APOBEC3C: variants seen among roughly 807,000 people sequenced by gnomAD.
The protein encoded by APOBEC3C is apolipoprotein B mRNA editing enzyme catalytic subunit 3C, also known as DNA dC->dU-editing enzyme APOBEC-3C.
A neutral mutation model predicts 20.6 loss-of-function variants in APOBEC3C; 14 were observed. The observed-to-expected ratio is 0.68, with a 90% confidence interval of 0.45 to 1.06. APOBEC3C has a LOEUF of 1.06. APOBEC3C is among the 50% of genes least tolerant of loss of function. The pLI is 0.00. For missense variants in APOBEC3C, 244 were observed against 241.9 expected (o/e 1.01, Z -0.06); for synonymous variants, 98 against 88.8 (o/e 1.10, Z -0.58).
At position 39,020,029 on chromosome 22, in the gene APOBEC3C, C is replaced by T. The variant is rs998678254; in HGVS notation, c.*1642C>T. Reference sequence around the variant, plus strand: ...CAGACTGGTCTCGAACTCCTGACCTCAGGTGATCCGCCTGTCTCAGCCTCT... The same window carrying T: ...CAGACTGGTCTCGAACTCCTGACCTTAGGTGATCCGCCTGTCTCAGCCTCT... On this transcript the variant is annotated 3_prime_UTR_variant, in exon 4 of 4. Transcript: ENST00000361441. 6.6e-6 allele frequency: 1 copy of T among 152,122 alleles called. No individual in the cohort carries two copies. Among genetic ancestry groups the T allele is most frequent in the Non-Finnish European group, 1.5e-5 (1 of 68,046 alleles). 9.4% of individuals were successfully genotyped at this position (152,122 alleles called of 1,614,324 possible). A position where few individuals can be genotyped will look rare whatever the true frequency, so the allele number is the denominator to read the frequency against.
chr22:39,017,652 A>C, intron 2 of APOBEC3C, 114 bp from the exon 3 acceptor site: 1 of 1,344,174 alleles, frequency 7.4e-7, no homozygotes, highest in Non-Finnish European at 1.0e-6. Context: ...AAAAATGAGT[A>C]AATAAGGAAA....
At chr22:39,017,624 A>T (rs1924834279) in intron 2 of APOBEC3C, 142 bp from the exon 3 acceptor site, 2 of 1,124,140 alleles carry the variant, frequency 1.8e-6, no homozygotes, top group Non-Finnish European at 2.6e-6. Context: ...CCTGTGCACC[A>T]GAGAGAGACC....
chr22:39,014,466 C>A (rs1421325488), intron 1 of APOBEC3C, 87 bp downstream of exon 1: 3 of 1,549,978 alleles, frequency 1.9e-6, no homozygotes, highest in South Asian at 1.1e-5. Context: ...CCTCCCCCTG[C>A]CCCAGCCCCA....
At chr22:39,014,457 C>A (rs1373998256) in intron 1 of APOBEC3C, 78 bp downstream of exon 1, 1 of 1,587,112 alleles carries the variant, frequency 6.3e-7, no homozygotes, top group Non-Finnish European at 8.6e-7. Flanking sequence ...CAGCCCTGGC[C>A]TCCCCCTGCC....
In APOBEC3C at chr22:39,017,917, C is replaced by A; in HGVS notation, c.326C>A (p.Ala109Asp). The A allele has an allele frequency of 6.2e-7, 1 of 1,614,188 alleles. No homozygotes were observed. The highest frequency in any genetic ancestry group is 8.5e-7 in the Non-Finnish European group (1 of 1,180,036). ...GCAGGGGAGGTGGCCGAGTTCCTGG[C>A]CAGGCACAGCAACGTGAATCTCACC... is the stretch of plus-strand genomic sequence containing the variant. ...DCAGEVAEFL[A>D]RHSNVNLTIF... is the part of the protein sequence containing the mutation. Residue 109 changes from alanine to aspartate, a missense_variant, in exon 3 of 4, where the codon GCC becomes GAC. Ala to Asp is a moderately radical substitution (Grantham distance 126). Coordinates refer to ENST00000361441, the MANE Select transcript of APOBEC3C (RefSeq NM_014508.3).
rs1425721562 is a variant in APOBEC3C, at chr22:39,019,496, C to T, written c.*1109C>T. On this transcript the variant is annotated 3_prime_UTR_variant, in exon 4 of 4. Coordinates refer to ENST00000361441, the MANE Select transcript of APOBEC3C (RefSeq NM_014508.3). ...TATGAAATTTAGAGGCTCTTCTAAA[C>T]ACTTTAAATTTGATTTGACATTTTC... 6.6e-6 allele frequency: 1 copy of T among 152,178 alleles called. No individual in the cohort carries two copies. The highest frequency in any genetic ancestry group is 1.5e-5 in the Non-Finnish European group (1 of 68,044). The allele number at this position is 152,178 out of a possible 1,614,324, so 9.4% of individuals were successfully genotyped here. A position where few individuals can be genotyped will look rare whatever the true frequency, so the allele number is the denominator to read the frequency against.
In APOBEC3C at chr22:39,017,855, C is replaced by A. The variant is rs755884617; in HGVS notation, c.264C>A (p.Val88=). 1 of 1,614,170 alleles carries A rather than the reference C, an allele frequency of 6.2e-7. No individual in the cohort carries two copies. The highest frequency in any genetic ancestry group is 8.5e-7 in the Non-Finnish European group (1 of 1,180,002). The stretch of plus-strand genomic sequence containing the variant: ...TGTCTCCTAACACAAAGTACCAGGT[C>A]ACCTGGTACACATCTTGGAGCCCTT... ...DILSPNTKYQ[V]TWYTSWSPCP... Residue 88 remains valine (V), a synonymous_variant, in exon 3 of 4, where the codon GTC becomes GTA. Transcript: ENST00000361441.
At chr22:39,018,095 G>A in intron 3 of APOBEC3C, 50 bp downstream of exon 3, 3 of 1,600,870 alleles carry the variant, frequency 1.9e-6, no homozygotes, top group Non-Finnish European at 2.6e-6. Flanking sequence ...ACAGCATGAG[G>A]GGCAGATGGT....
chr22:39,017,731 T>C (rs1170256691), intron 2 of APOBEC3C, 35 bp from the exon 3 acceptor site: 53 of 1,598,218 alleles, frequency 3.3e-5, no homozygotes, highest in Non-Finnish European at 4.4e-5. Flanking sequence ...GCTCCTGGTC[T>C]GAGCTCCCCT....
intron 3 of APOBEC3C, 46 bp from the exon 4 acceptor site, chr22:39,018,223 G>T (rs759785199): frequency 1.3e-6 from 2 of 1,597,594 alleles, no homozygotes; most frequent in Non-Finnish European, 1.7e-6. Flanking sequence ...AGGGCCAGGA[G>T]AGAGGCCTGC....
intron 1 of APOBEC3C, among the ~76,000 whole-genome samples, chr22:39,014,818 G>A (rs1411362252): frequency 6.6e-6 from 1 of 152,118 alleles, no homozygotes; most frequent in Non-Finnish European, 1.5e-5. Context: ...CTTAGGAGAG[G>A]GTGTGGGGGA....
chr22:39,015,887 T>G (rs1394630913), intron 2 of APOBEC3C, 136 bp downstream of exon 2: 1 of 926,048 alleles, frequency 1.1e-6, no homozygotes, highest in Non-Finnish European at 1.6e-6. Flanking sequence ...TTTTTTTTTT[T>G]TTTTTTGAGA....
Position 39,018,541 on chromosome 22 carries a change from C to T in APOBEC3C, c.*154C>T. 3.5e-6 allele frequency: 3 copies of T among 846,378 alleles called. No homozygotes were observed. The highest frequency in any genetic ancestry group is 5.5e-6 in the Non-Finnish European group (3 of 547,482). The allele number at this position is 846,378 out of a possible 1,614,324, so 52.4% of individuals were successfully genotyped here. On this transcript the variant is annotated 3_prime_UTR_variant, in exon 4 of 4. Transcript: ENST00000361441. ...TCCACAGTGCTCCCCTGCCTCACCG[C>T]TTCCTCCTCGCTCTTCCAGACTCTT...
intron 2 of APOBEC3C, among the ~76,000 whole-genome samples, chr22:39,016,958 G>A (rs1924805435): frequency 6.6e-6 from 1 of 152,250 alleles, no homozygotes; most frequent in Admixed American, 6.5e-5. Flanking sequence ...GCCGGGCACG[G>A]CGCGGTGGCT....
At position 39,018,055 on chromosome 22, in the gene APOBEC3C, G is replaced by C. The variant is rs747240259; in HGVS notation, c.454+10G>C. On this transcript the variant is annotated intron_variant, in intron 3 of 3. Coordinates refer to ENST00000361441, the MANE Select transcript of APOBEC3C (RefSeq NM_014508.3). ...ATCATGGACTATGAAGGTGAGACGT[G>C]GGGGGCTGAGGAGAGTGGGTGCAGG... is the stretch of plus-strand genomic sequence containing the variant. 3 of 1,612,990 alleles carry C rather than the reference G, an allele frequency of 1.9e-6. No individual in the cohort carries two copies. Among genetic ancestry groups the C allele is most frequent in the South Asian group, 1.1e-5 (1 of 91,052 alleles).
chr22:39,014,406 GCCCCTCCTGC>G, intron 1 of APOBEC3C, 27 bp downstream of exon 1: 1 of 1,613,160 alleles, frequency 6.2e-7, no homozygotes. Flanking sequence ...TGTCCGCCAG[GCCCCTCCTGC>G]CACTTCCTGC....
At chr22:39,016,381 CT>C (rs575173801) in intron 2 of APOBEC3C, among the ~76,000 whole-genome samples, 93 of 122,868 alleles carry the variant, frequency 7.6e-4, no homozygotes, top group South Asian at 1.8e-3. Flanking sequence ...TTCTTTTTTT[CT>C]TTTTTTTTTT....
At chr22:39,017,702 C>T in intron 2 of APOBEC3C, 64 bp from the exon 3 acceptor site, 13 of 1,570,004 alleles carry the variant, frequency 8.3e-6, no homozygotes, top group Non-Finnish European at 1.1e-5. Context: ...TCCCATCGCC[C>T]CACCCCTGCA....
chr22:39,016,214 T>TTTATTTATTTATTTATTTA (rs1341965540), intron 2 of APOBEC3C, among the ~76,000 whole-genome samples: 27 of 149,748 alleles, frequency 1.8e-4, no homozygotes, highest in East Asian at 5.9e-4. Flanking sequence ...TATTTATTTA[T>TTTATTTATTTATTTATTTA]TTTGAGACGG....
Sources: gnomAD v4.1 joint callset for allele counts (sites outside exome capture counted in the v4.1 genomes callset) on GRCh38, gnomAD v4.1.1 for gene constraint, MANE v1.5 for transcripts, NCBI Gene and HGNC (gene_info 2026-07-23, HGNC 2026-07-21) for gene names.